The following TMEM132C variants were observed in gnomAD, a reference collection of about 807,000 sequenced individuals.
The protein encoded by TMEM132C is transmembrane protein 132C, also known as protein phosphatase 1, regulatory subunit 152.
Under a neutral mutation model 61.4 loss-of-function variants are expected in TMEM132C, and 29 were observed. The observed-to-expected ratio is 0.47, with a 90% confidence interval of 0.35 to 0.64. The LOEUF (loss-of-function observed/expected upper bound fraction) is 0.64. Ranked by LOEUF, TMEM132C falls within the 30% of genes least tolerant of loss-of-function variation. TMEM132C has a pLI of 0.00. For missense variants in TMEM132C, 1,408 were observed against 1,476.9 expected, an observed-to-expected ratio of 0.95 and a Z score of 0.76; for synonymous variants, 656 against 633.1, an observed-to-expected ratio of 1.04 and a Z score of -0.54.
At chr12:128,582,644 G>A (rs1875387583) in intron 3 of TMEM132C, among the ~76,000 whole-genome samples, 2 of 152,114 alleles carry the variant, frequency 1.3e-5, no homozygotes, top group Non-Finnish European at 2.9e-5. Context: ...GGTTTCTGCT[G>A]TTGCATCTTC....
intron 3 of TMEM132C, among the ~76,000 whole-genome samples, chr12:128,583,133 T>C (rs1478211914): frequency 2.0e-5 from 3 of 152,210 alleles, no homozygotes; most frequent in Admixed American, 2.0e-4. Flanking sequence ...AATAGGGACA[T>C]GGCTAATTAA....
At chr12:128,453,143 C>T (rs954199404) in intron 2 of TMEM132C, among the ~76,000 whole-genome samples, 3 of 152,262 alleles carry the variant, frequency 2.0e-5, no homozygotes, top group East Asian at 1.9e-4. Flanking sequence ...AGTGTCCCTG[C>T]GAAGGTGGTT....
chr12:128,543,869 T>C, intron 2 of TMEM132C, 88 bp from the exon 3 acceptor site: 1 of 1,469,990 alleles, frequency 6.8e-7, no homozygotes, highest in Non-Finnish European at 9.0e-7. Context: ...AAACAGAAAC[T>C]AAAGGTGACA....
At chr12:128,508,942 T>C (rs1872478390) in intron 2 of TMEM132C, among the ~76,000 whole-genome samples, 1 of 152,222 alleles carries the variant, frequency 6.6e-6, no homozygotes, top group Non-Finnish European at 1.5e-5. Context: ...TAACAAAGAC[T>C]GAGCTTTAGG....
intron 6 of TMEM132C, among the ~76,000 whole-genome samples, chr12:128,694,424 A>G (rs4882801): frequency 0.37 from 56,978 of 152,086 alleles, 10,812 homozygotes; most frequent in Middle Eastern, 0.48. Flanking sequence ...AGATCAAATT[A>G]TTGGATAAAA....
At chr12:128,376,033 A>T (rs545128902) in intron 1 of TMEM132C, among the ~76,000 whole-genome samples, 2 of 152,320 alleles carry the variant, frequency 1.3e-5, no homozygotes, top group Non-Finnish European at 1.5e-5. Flanking sequence ...CAGAGTTTCA[A>T]GCGGGGCTTT....
At chr12:128,441,664 T>C (rs1368032448) in intron 2 of TMEM132C, among the ~76,000 whole-genome samples, 1 of 152,136 alleles carries the variant, frequency 6.6e-6, no homozygotes, top group Non-Finnish European at 1.5e-5. Context: ...GGAGGGAATA[T>C]TTCCAGGAAC....
At chr12:128,532,361 G>A (rs1217528544) in intron 2 of TMEM132C, among the ~76,000 whole-genome samples, 6 of 151,658 alleles carry the variant, frequency 4.0e-5, no homozygotes, top group Non-Finnish European at 5.9e-5. Flanking sequence ...AAAGGAGGCC[G>A]GGCGCAGTGG....
intron 3 of TMEM132C, among the ~76,000 whole-genome samples, chr12:128,591,303 A>G (rs988315779): frequency 6.6e-6 from 1 of 150,962 alleles, no homozygotes; most frequent in Non-Finnish European, 1.5e-5. Context: ...GCAACAACTC[A>G]TCTGCTTTCT....
At chr12:128,526,954 C>T (rs190159157) in intron 2 of TMEM132C, among the ~76,000 whole-genome samples, 11 of 152,264 alleles carry the variant, frequency 7.2e-5, no homozygotes, top group African/African-American at 2.4e-4. Context: ...GAATAGAAAA[C>T]ACCTAGACAG....
chr12:128,632,529 G>A (rs978969521), intron 4 of TMEM132C, among the ~76,000 whole-genome samples: 2 of 152,176 alleles, frequency 1.3e-5, no homozygotes, highest in African/African-American at 4.8e-5. Context: ...TTTCTGTGCT[G>A]ACACACCTGG....
intron 1 of TMEM132C, among the ~76,000 whole-genome samples, chr12:128,268,680 G>A (rs1870403078): frequency 6.6e-6 from 1 of 152,124 alleles, no homozygotes; most frequent in African/African-American, 2.4e-5. Flanking sequence ...AGCTAGAAAT[G>A]CGTTCAGAGA....
chr12:128,368,329 G>A (rs952599626), intron 1 of TMEM132C, among the ~76,000 whole-genome samples: 1 of 152,242 alleles, frequency 6.6e-6, no homozygotes, highest in African/African-American at 2.4e-5. Flanking sequence ...TAGCGCAGTG[G>A]TTATGACTGC....
rs1455585586 is a variant in TMEM132C at position 128,442,527 on chromosome 12, T to TA, written c.974+26913dup. ...TGTTCACTTTTAGGTATAAAACTGT[T>TA]AAAAAATTAAAAGAATTTTAATTTG... On this transcript the variant is annotated intron_variant, in intron 2 of 8. Coordinates refer to ENST00000435159, the MANE Select transcript of TMEM132C (RefSeq NM_001136103.3). Among the ~76,000 whole-genome samples the TA allele has an allele frequency of 3.3e-5, 5 of 152,016 alleles. No individual in the cohort carries two copies. In the East Asian group the frequency reaches 7.7e-4, roughly 24 times the overall value.
chr12:128,354,117 C>T (rs1389043959), intron 1 of TMEM132C, among the ~76,000 whole-genome samples: 7 of 152,088 alleles, frequency 4.6e-5, no homozygotes, highest in African/African-American at 2.4e-5. Flanking sequence ...CTGCAAACTG[C>T]GCAGTTAGAT....
At chr12:128,444,082 C>T (rs1046270437) in intron 2 of TMEM132C, among the ~76,000 whole-genome samples, 8 of 152,140 alleles carry the variant, frequency 5.3e-5, no homozygotes, top group South Asian at 4.2e-4. Context: ...CACCACCACG[C>T]GCAGCTAATT....
At chr12:128,573,806 C>G (rs1019487551) in intron 3 of TMEM132C, among the ~76,000 whole-genome samples, 2 of 150,816 alleles carry the variant, frequency 1.3e-5, no homozygotes, top group Non-Finnish European at 2.9e-5. Flanking sequence ...TTTGAATGGA[C>G]TTACTGCCAC....
At chr12:128,497,612 G>A (rs1388486545) in intron 2 of TMEM132C, among the ~76,000 whole-genome samples, 1 of 152,214 alleles carries the variant, frequency 6.6e-6, no homozygotes, top group Non-Finnish European at 1.5e-5. Context: ...GGCTCCGTGG[G>A]CATGGGACCC....
chr12:128,429,251 T>C (rs1456729122), intron 2 of TMEM132C, among the ~76,000 whole-genome samples: 1 of 152,170 alleles, frequency 6.6e-6, no homozygotes, highest in African/African-American at 2.4e-5. Flanking sequence ...AGATTAGAGA[T>C]AGTGCTAGAT....
Sources: gnomAD v4.1 joint callset for allele counts (sites outside exome capture counted in the v4.1 genomes callset) on GRCh38, gnomAD v4.1.1 for gene constraint, MANE v1.5 for transcripts, NCBI Gene and HGNC (gene_info 2026-07-23, HGNC 2026-07-21) for gene names.